LRP1B: variants seen among roughly 807,000 people sequenced by gnomAD.
LRP1B encodes low-density lipoprotein receptor-related protein 1B.
Under a neutral mutation model 556.6 loss-of-function variants are expected in LRP1B, and 217 were observed. The ratio of observed to expected loss-of-function variants is 0.39; its 90% CI spans 0.35 to 0.44. The LOEUF (loss-of-function observed/expected upper bound fraction) is 0.44, where lower values mean the gene tolerates loss of function less well. Among genes scored for constraint, LRP1B ranks in the 20% least tolerant of loss-of-function variants. The pLI is 1.00. For synonymous variants in LRP1B, 2,047 were observed against 1,865.8 expected (o/e 1.10, Z -2.50); for missense variants, 5,053 against 5,620.8 (o/e 0.90, Z 3.23).
intron 2 of LRP1B, among the ~76,000 whole-genome samples, chr2:141,617,866 G>A (rs1321594417): frequency 2.6e-5 from 4 of 151,538 alleles, no homozygotes; most frequent in African/African-American, 9.7e-5. Context: ...ATAGTCATCA[G>A]TATTTTCTCT....
intron 3 of LRP1B, among the ~76,000 whole-genome samples, chr2:141,421,254 C>A (rs760244400): frequency 1.3e-5 from 2 of 152,024 alleles, no homozygotes; most frequent in South Asian, 2.1e-4. Flanking sequence ...TTCGGCCGGG[C>A]GCGGTGGCTC....
chr2:140,702,361 C>T, intron 38 of LRP1B, 66 bp downstream of exon 38: 1 of 1,606,692 alleles, frequency 6.2e-7, no homozygotes, highest in South Asian at 1.1e-5. Flanking sequence ...TAAAGGAACA[C>T]TAAAAGTAGG....
At chr2:141,439,927 G>T (rs1680899562) in intron 3 of LRP1B, among the ~76,000 whole-genome samples, 1 of 152,088 alleles carries the variant, frequency 6.6e-6, no homozygotes, top group Non-Finnish European at 1.5e-5. Context: ...GAAAAGTTTT[G>T]TTTTTATTAA....
rs549369757 is a variant in LRP1B at position 142,074,802 on chromosome 2, C to T, written c.82+55846G>A. Reference sequence around the variant, plus strand: ...AAATATGATTTGTATCTGACCCTCTCTCACCTGTCCCATAACCACTACAGT... The same window carrying T: ...AAATATGATTTGTATCTGACCCTCTTTCACCTGTCCCATAACCACTACAGT... On this transcript the variant is annotated intron_variant, in intron 1 of 90. Transcript: ENST00000389484. Among the ~76,000 whole-genome samples the T allele has an allele frequency of 2.6e-5, 4 of 152,204 alleles. No individual in the cohort carries two copies. In the East Asian group the frequency reaches 7.8e-4, roughly 30 times the overall value.
intron 7 of LRP1B, among the ~76,000 whole-genome samples, chr2:141,151,585 C>T (rs1701926356): frequency 6.6e-6 from 1 of 152,132 alleles, no homozygotes; most frequent in African/African-American, 2.4e-5. Context: ...TGGAGCTATA[C>T]ATTGCCCAGT....
At chr2:140,765,099 G>C (rs919527862) in intron 35 of LRP1B, among the ~76,000 whole-genome samples, 4 of 151,904 alleles carry the variant, frequency 2.6e-5, no homozygotes, top group African/African-American at 9.7e-5. Flanking sequence ...AAAGTGCTAG[G>C]GTTACAGGTA....
In LRP1B at chr2:141,062,176, G is replaced by T. The variant is rs772253245; in HGVS notation, c.1111C>A (p.Gln371Lys). 1.9e-6 allele frequency: 3 copies of T among 1,611,888 alleles called. No individual in the cohort carries two copies. Among genetic ancestry groups the T allele is most frequent in the African/African-American group, 2.7e-5 (2 of 74,842 alleles). The change falls in exon 8 of 91, where the codon CAG becomes AAG. Residue 371 changes from glutamine to lysine, a missense_variant. Around this residue, in one of 5 missense-constraint regions of LRP1B, gnomAD observed 3,619 missense variants for 3,931.9 expected, o/e 0.92. Coordinates refer to ENST00000389484, the MANE Select transcript of LRP1B (RefSeq NM_018557.3). ...RTRIIDSKTE[Q>K]PAALALDLVN... Reference sequence around the variant, plus strand: ...AGGTCTAGTGCCAGTGCAGCTGGCTGCTCTGTCTTTGAATCAATTATCCTT... The same window carrying T: ...AGGTCTAGTGCCAGTGCAGCTGGCTTCTCTGTCTTTGAATCAATTATCCTT...
At chr2:141,587,071 A>C (rs1687169118) in intron 2 of LRP1B, among the ~76,000 whole-genome samples, 2 of 152,180 alleles carry the variant, frequency 1.3e-5, no homozygotes, top group African/African-American at 2.4e-5. Flanking sequence ...TGCAACATAC[A>C]CCTATAAAAT....
intron 41 of LRP1B, among the ~76,000 whole-genome samples, chr2:140,675,022 C>G (rs895636267): frequency 6.6e-6 from 1 of 152,186 alleles, no homozygotes; most frequent in Non-Finnish European, 1.5e-5. Flanking sequence ...CTTCTAGAGG[C>G]TGATGGTATT....
intron 66 of LRP1B, among the ~76,000 whole-genome samples, chr2:140,390,082 C>T (rs1683948815): frequency 6.6e-6 from 1 of 151,836 alleles, no homozygotes; most frequent in African/African-American, 2.4e-5. Context: ...GTGAGCTGTG[C>T]CATGCTGTTG....
chr2:141,785,760 T>C (rs756164194), intron 2 of LRP1B, among the ~76,000 whole-genome samples: 6 of 151,370 alleles, frequency 4.0e-5, no homozygotes, highest in Non-Finnish European at 8.9e-5. Context: ...CCAAGGTCCA[T>C]ATATGATAAT....
At chr2:140,528,552 G>A (rs1185878691) in intron 47 of LRP1B, among the ~76,000 whole-genome samples, 2 of 151,762 alleles carry the variant, frequency 1.3e-5, no homozygotes, top group Non-Finnish European at 2.9e-5. Context: ...GGGGGACAAG[G>A]ATGGGCTATC....
At chr2:141,727,956 G>T (rs1479507155) in intron 2 of LRP1B, among the ~76,000 whole-genome samples, 2 of 151,970 alleles carry the variant, frequency 1.3e-5, no homozygotes, top group Non-Finnish European at 2.9e-5. Context: ...TTTGTTTTTG[G>T]TAAGCGCTTT....
intron 2 of LRP1B, among the ~76,000 whole-genome samples, chr2:141,636,758 A>G (rs1377801684): frequency 6.6e-6 from 1 of 152,100 alleles, no homozygotes; most frequent in African/African-American, 2.4e-5. Flanking sequence ...TAAAAAGGAA[A>G]AAAAAAACAT....
intron 7 of LRP1B, among the ~76,000 whole-genome samples, chr2:141,130,838 G>A (rs150228760): frequency 0.057 from 8,616 of 152,104 alleles, 308 homozygotes; most frequent in African/African-American, 0.099. Context: ...GGGATACTAT[G>A]CAGCCATAAA....
chr2:140,526,056 G>A (rs2104968672), intron 48 of LRP1B, 63 bp from the exon 49 acceptor site: 1 of 1,537,534 alleles, frequency 6.5e-7, no homozygotes, highest in Non-Finnish European at 8.9e-7. Flanking sequence ...AGCCTTCTAT[G>A]TAGGTCATAG....
intron 8 of LRP1B, among the ~76,000 whole-genome samples, chr2:141,060,791 G>A (rs1011138611): frequency 2.6e-5 from 4 of 151,690 alleles, no homozygotes; most frequent in African/African-American, 9.7e-5. Flanking sequence ...GCAGAGGTAG[G>A]AGAAGCCTGG....
intron 2 of LRP1B, among the ~76,000 whole-genome samples, chr2:141,676,206 T>G (rs1690871067): frequency 1.3e-5 from 2 of 152,118 alleles, no homozygotes; most frequent in African/African-American, 4.8e-5. Context: ...CCCACTATTT[T>G]GAGGGACACA....
At chr2:141,513,386 A>C (rs372285267) in intron 2 of LRP1B, among the ~76,000 whole-genome samples, 1 of 152,080 alleles carries the variant, frequency 6.6e-6, no homozygotes, top group Admixed American at 6.6e-5. Context: ...GTGAAAGATA[A>C]AATGTTAAAT....
Sources: allele counts gnomAD v4.1 joint callset (sites outside exome capture counted in the v4.1 genomes callset), GRCh38; gene constraint gnomAD v4.1.1; regional missense constraint gnomAD v4.1.1; transcripts MANE v1.5; gene names NCBI Gene and HGNC (gene_info 2026-07-23, HGNC 2026-07-21).